Variants in CACNA2D3 observed in about 807,000 individuals in gnomAD.
The protein encoded by CACNA2D3 is calcium voltage-gated channel auxiliary subunit alpha2delta 3, also known as voltage-dependent calcium channel subunit alpha-2/delta-3.
CACNA2D3 carries 60 observed loss-of-function variants against 160.6 expected under a neutral mutation model. The observed-to-expected ratio is 0.37, with a 90% confidence interval of 0.30 to 0.46. CACNA2D3 has a LOEUF of 0.46. Ranked by LOEUF, CACNA2D3 falls within the 20% of genes least tolerant of loss-of-function variation. CACNA2D3 has a pLI of 1.00. For missense variants in CACNA2D3, 1,205 were observed against 1,365.0 expected (o/e 0.88, Z 1.85); for synonymous variants, 558 against 492.9 (o/e 1.13, Z -1.75).
At chr3:54,663,460 T>G (rs1458923687) in intron 11 of CACNA2D3, among the ~76,000 whole-genome samples, 1 of 152,226 alleles carries the variant, frequency 6.6e-6, no homozygotes, top group Non-Finnish European at 1.5e-5. Context: ...ACCAAGACTT[T>G]GATCAACCTG....
At chr3:54,557,380 C>A (rs1033420881) in intron 5 of CACNA2D3, among the ~76,000 whole-genome samples, 5 of 152,168 alleles carry the variant, frequency 3.3e-5, no homozygotes, top group African/African-American at 1.2e-4. Context: ...AAGATGTTCA[C>A]AGTTCCTCAG....
intron 4 of CACNA2D3, among the ~76,000 whole-genome samples, chr3:54,474,813 C>T (rs545661536): frequency 3.3e-5 from 5 of 152,138 alleles, no homozygotes; most frequent in African/African-American, 1.2e-4. Flanking sequence ...AAGTTGAGTT[C>T]TCGGATATAC....
At chr3:54,475,549 C>T (rs940478523) in intron 4 of CACNA2D3, among the ~76,000 whole-genome samples, 22 of 152,152 alleles carry the variant, frequency 1.4e-4, no homozygotes, top group Admixed American at 3.3e-4. Flanking sequence ...TCTTTGGGTT[C>T]TTCTTGGGAT....
intron 11 of CACNA2D3, among the ~76,000 whole-genome samples, chr3:54,659,448 A>G (rs1699930218): frequency 6.6e-6 from 1 of 152,204 alleles, no homozygotes. Context: ...GAGCAGGTTA[A>G]GTAACTTGAC....
chr3:54,829,946 G>A (rs918643814), intron 14 of CACNA2D3, among the ~76,000 whole-genome samples: 1 of 130,554 alleles, frequency 7.7e-6, no homozygotes, highest in African/African-American at 3.0e-5. Context: ...CCAGGCTGGA[G>A]TGCAGTGGCA....
intron 29 of CACNA2D3, among the ~76,000 whole-genome samples, chr3:54,973,163 A>G (rs188023969): frequency 1.6e-4 from 25 of 152,190 alleles, no homozygotes; most frequent in Admixed American, 9.8e-4. Context: ...GCAAGCAGAG[A>G]ACACCACTGT....
intron 11 of CACNA2D3, among the ~76,000 whole-genome samples, chr3:54,644,110 T>G (rs1237845018): frequency 6.6e-6 from 1 of 152,116 alleles, no homozygotes; most frequent in African/African-American, 2.4e-5. Flanking sequence ...AAATGCCCTG[T>G]CCTTACTTGT....
intron 4 of CACNA2D3, among the ~76,000 whole-genome samples, chr3:54,470,423 T>A (rs1043654575): frequency 6.6e-6 from 1 of 152,098 alleles, no homozygotes; most frequent in Non-Finnish European, 1.5e-5. Context: ...CACGAGCTCC[T>A]GAAGGAAGCA....
chr3:54,513,625 C>T (rs1701494566), intron 5 of CACNA2D3, among the ~76,000 whole-genome samples: 1 of 152,186 alleles, frequency 6.6e-6, no homozygotes. Flanking sequence ...TGTGCATCTC[C>T]ACCACCCTGA....
chr3:54,650,143 T>C (rs1041300011), intron 11 of CACNA2D3, among the ~76,000 whole-genome samples: 1 of 152,214 alleles, frequency 6.6e-6, no homozygotes, highest in Admixed American at 6.5e-5. Flanking sequence ...GAGCTAATTT[T>C]TTTTTTTAGG....
chr3:54,911,393 G>A (rs963348809), intron 27 of CACNA2D3, among the ~76,000 whole-genome samples: 6 of 119,906 alleles, frequency 5.0e-5, no homozygotes, highest in Admixed American at 2.9e-4. Context: ...GGGGTCACAC[G>A]TTTTTCCCCA....
intron 13 of CACNA2D3, 65 bp from the exon 14 acceptor site, chr3:54,816,788 C>T: frequency 6.4e-7 from 1 of 1,566,664 alleles, no homozygotes; most frequent in Non-Finnish European, 8.7e-7. Flanking sequence ...TGAAGCTTTA[C>T]CATTAATTAC....
chr3:54,347,065 C>T (rs1052855555), intron 3 of CACNA2D3, among the ~76,000 whole-genome samples: 1 of 152,186 alleles, frequency 6.6e-6, no homozygotes, highest in Non-Finnish European at 1.5e-5. Context: ...ATGACAAAGC[C>T]AGCCATATTG....
intron 2 of CACNA2D3, among the ~76,000 whole-genome samples, chr3:54,246,216 AAATT>A (rs1702073055): frequency 6.6e-6 from 1 of 152,218 alleles, no homozygotes; most frequent in African/African-American, 2.4e-5. Context: ...TTTATACTTG[AAATT>A]AATTCAAAAA....
intron 4 of CACNA2D3, among the ~76,000 whole-genome samples, chr3:54,440,528 C>T (rs1478962203): frequency 1.3e-5 from 2 of 152,002 alleles, no homozygotes; most frequent in African/African-American, 4.8e-5. Context: ...GGTACATGTA[C>T]ACAACATGCA....
intron 5 of CACNA2D3, among the ~76,000 whole-genome samples, chr3:54,539,539 C>T (rs191516230): frequency 3.3e-5 from 5 of 152,252 alleles, no homozygotes; most frequent in African/African-American, 7.2e-5. Context: ...TGAAGGTGTG[C>T]GTCTCTTTGC....
chr3:54,799,931 T>G (rs1006999998), intron 13 of CACNA2D3, among the ~76,000 whole-genome samples: 5 of 152,234 alleles, frequency 3.3e-5, no homozygotes, highest in Admixed American at 1.3e-4. Flanking sequence ...CCCCTAACTT[T>G]CTCGGCATAG....
chr3:54,921,913 T>C (rs1187647361), intron 27 of CACNA2D3, among the ~76,000 whole-genome samples: 4 of 148,928 alleles, frequency 2.7e-5, no homozygotes, highest in African/African-American at 9.7e-5. Context: ...TTTATATATC[T>C]TTTTTTAAAA....
chr3:54,953,332 G>A (rs533350675), intron 27 of CACNA2D3, among the ~76,000 whole-genome samples: 2 of 152,294 alleles, frequency 1.3e-5, no homozygotes, highest in South Asian at 4.2e-4. Context: ...TCAAATCTGG[G>A]AAGGAAGCAG....
Sources: allele counts gnomAD v4.1 joint callset (sites outside exome capture counted in the v4.1 genomes callset), GRCh38; gene constraint gnomAD v4.1.1; transcripts MANE v1.5; gene names NCBI Gene and HGNC (gene_info 2026-07-23, HGNC 2026-07-21).